The following ZNF407 variants were observed in gnomAD, a reference collection of about 807,000 sequenced individuals.
ZNF407 encodes zinc finger protein 407.
ZNF407 carries 17 observed loss-of-function variants against 131.2 expected under a neutral mutation model. The observed-to-expected ratio is 0.13, with a 90% CI of 0.09 to 0.19. The LOEUF is 0.19. Among genes scored for constraint, ZNF407 ranks in the 10% least tolerant of loss-of-function variants. ZNF407 has a pLI of 1.00. For synonymous variants in ZNF407, 1,156 were observed against 1,062.0 expected, an observed-to-expected ratio of 1.09 and a Z score of -1.72; for missense variants, 2,681 against 2,830.6, an observed-to-expected ratio of 0.95 and a Z score of 1.20.
At chr18:74,783,198 C>T (rs940459934) in intron 4 of ZNF407, among the ~76,000 whole-genome samples, 3 of 151,950 alleles carry the variant, frequency 2.0e-5, no homozygotes, top group African/African-American at 7.3e-5. Flanking sequence ...AAGGACTGAG[C>T]CTAGAAAATA....
chr18:74,863,036 T>A (rs1262396380), intron 4 of ZNF407, among the ~76,000 whole-genome samples: 2 of 151,508 alleles, frequency 1.3e-5, no homozygotes, highest in Non-Finnish European at 2.9e-5. Flanking sequence ...TTCTCCTGCC[T>A]CAGCCTCCCA....
At chr18:74,741,287 C>T (rs940490740) in intron 3 of ZNF407, among the ~76,000 whole-genome samples, 10 of 151,794 alleles carry the variant, frequency 6.6e-5, no homozygotes, top group East Asian at 1.9e-4. Flanking sequence ...TGTTCACGCT[C>T]GTGTGTGAAT....
In ZNF407 at chr18:74,755,550, T is replaced by TCCC. The variant is rs1181908998; in HGVS notation, c.4803-25878_4803-25877insCCC. 2.0e-3 allele frequency among the ~76,000 whole-genome samples: 121 copies of TCCC among 60,842 alleles called. 3 individuals carry two copies. Among genetic ancestry groups the TCCC allele is most frequent in the Admixed American group, 4.0e-3 (18 of 4,490 alleles). The allele number at this position is 60,842 out of a possible 152,430, so 39.9% of individuals were successfully genotyped here. ...ATCTTTCCCTCTCTCCCTCCCTCCC[T>TCCC]TCCTTCTTCCTTCCTTCCTTCCTCC... On this transcript the variant is annotated intron_variant, in intron 3 of 8. Transcript: ENST00000299687.
chr18:74,993,427 G>A (rs1273203889), intron 8 of ZNF407, among the ~76,000 whole-genome samples: 3 of 152,182 alleles, frequency 2.0e-5, no homozygotes, highest in Non-Finnish European at 2.9e-5. Flanking sequence ...TTCCCGAGCC[G>A]CAACAGGCAG....
chr18:74,776,542 A>G (rs1016006421), intron 3 of ZNF407, among the ~76,000 whole-genome samples: 5 of 152,188 alleles, frequency 3.3e-5, no homozygotes, highest in South Asian at 2.1e-4. Context: ...ACAGAACTTC[A>G]CTTTTTAAAC....
intron 8 of ZNF407, among the ~76,000 whole-genome samples, chr18:74,924,222 T>G (rs1971883597): frequency 6.6e-6 from 1 of 152,230 alleles, no homozygotes; most frequent in Non-Finnish European, 1.5e-5. Flanking sequence ...TACAGTGGTC[T>G]AGTAAGATTC....
At chr18:74,726,602 A>G (rs888644462) in intron 3 of ZNF407, among the ~76,000 whole-genome samples, 1 of 152,236 alleles carries the variant, frequency 6.6e-6, no homozygotes, top group African/African-American at 2.4e-5. Flanking sequence ...TTGTTTTGCT[A>G]CCAATGATTG....
chr18:74,910,306 C>G (rs1163875251), intron 7 of ZNF407, among the ~76,000 whole-genome samples: 2 of 152,084 alleles, frequency 1.3e-5, no homozygotes, highest in East Asian at 1.9e-4. Flanking sequence ...AATAGGTTAA[C>G]TTAAATATGT....
chr18:74,871,154 G>A (rs575337939), intron 4 of ZNF407, among the ~76,000 whole-genome samples: 4 of 152,220 alleles, frequency 2.6e-5, no homozygotes, highest in African/African-American at 4.8e-5. Context: ...CATGGTGGCC[G>A]GTCGGCAGTG....
At chr18:74,811,726 G>A (rs2145088931) in intron 4 of ZNF407, among the ~76,000 whole-genome samples, 2 of 152,142 alleles carry the variant, frequency 1.3e-5, no homozygotes, top group South Asian at 4.2e-4. Flanking sequence ...CCTTTGTAGG[G>A]ACATGGATGA....
At position 74,635,418 on chromosome 18, in the gene ZNF407, G is replaced by A. The variant is rs772957844; in HGVS notation, c.4399G>A (p.Gly1467Ser). ...SNLHQHLASA[G>S]HMRNEQASVE... The stretch of plus-strand genomic sequence containing the variant: ...CCTTCACCAGCATCTGGCTAGTGCC[G>A]GCCACATGAGAAATGAGCAGGCCAG... The change falls in exon 2 of 9, where the codon GGC becomes AGC. Residue 1467 changes from glycine (G) to serine (S), a missense_variant. Around this residue, in one of 6 missense-constraint regions of ZNF407, gnomAD observed 213 missense variants for 332.2 expected, o/e 0.64. Coordinates refer to ENST00000299687, the MANE Select transcript of ZNF407 (RefSeq NM_017757.3). This position sits in a 1 kb window ranked among gnomAD's most constrained non-coding sequence, Gnocchi z 4.7. The A allele has an allele frequency of 3.7e-6, 6 of 1,613,524 alleles. No individual in the cohort carries two copies. The highest frequency in any genetic ancestry group is 2.2e-5 in the South Asian group (2 of 90,980).
chr18:74,917,400 A>G (rs1971787529), intron 7 of ZNF407, among the ~76,000 whole-genome samples: 1 of 152,218 alleles, frequency 6.6e-6, no homozygotes, highest in African/African-American at 2.4e-5. Flanking sequence ...ACATATGCAC[A>G]TATCTGTATA....
Position 74,631,037 on chromosome 18 carries a change from T to A in ZNF407, c.18T>A (p.Asn6Lys), listed in dbSNP as rs748906984. The stretch of plus-strand genomic sequence containing the variant: ...CTTTATTAATGATGGATAGTGAGAA[T>A]AAACCCGAAAATGATGAGGATGAAA... MMDSE[N>K]KPENDEDEKI... Residue 6 changes from asparagine (N) to lysine (K), a missense_variant, in exon 2 of 9, where the codon AAT becomes AAA. Asn to Lys is a moderately conservative substitution (Grantham distance 94). Transcript: ENST00000299687. 11 of 1,610,066 alleles carry A rather than the reference T, an allele frequency of 6.8e-6. No homozygotes were observed. Among genetic ancestry groups the A allele is most frequent in the African/African-American group, 1.3e-5 (1 of 74,648 alleles).
chr18:74,800,452 C>T (rs1970000488), intron 4 of ZNF407, among the ~76,000 whole-genome samples: 1 of 151,950 alleles, frequency 6.6e-6, no homozygotes, highest in East Asian at 1.9e-4. Flanking sequence ...CACATTTTTT[C>T]CAGTTGTTGA....
intron 8 of ZNF407, among the ~76,000 whole-genome samples, chr18:74,984,081 T>C (rs1254613036): frequency 1.3e-5 from 2 of 152,256 alleles, no homozygotes; most frequent in East Asian, 1.9e-4. Flanking sequence ...TCTTCTTTTA[T>C]AGAAAATCAA....
intron 3 of ZNF407, among the ~76,000 whole-genome samples, chr18:74,732,224 T>G (rs1968310629): frequency 6.6e-6 from 1 of 152,184 alleles, no homozygotes; most frequent in African/African-American, 2.4e-5. Context: ...TAAAAATTCT[T>G]ATTGTCGTGA....
At chr18:74,822,448 G>C (rs1970353931) in intron 4 of ZNF407, among the ~76,000 whole-genome samples, 1 of 152,180 alleles carries the variant, frequency 6.6e-6, no homozygotes, top group Admixed American at 6.5e-5. Context: ...TGTATAATGT[G>C]TAAGGAAGGG....
chr18:74,737,162 A>G (rs531710367), intron 3 of ZNF407, among the ~76,000 whole-genome samples: 43 of 152,354 alleles, frequency 2.8e-4, no homozygotes, highest in African/African-American at 9.9e-4. Context: ...GAATACATCT[A>G]TAATTTATTT....
chr18:74,745,046 G>T (rs1366631189), intron 3 of ZNF407, among the ~76,000 whole-genome samples: 1 of 151,994 alleles, frequency 6.6e-6, no homozygotes, highest in East Asian at 1.9e-4. Flanking sequence ...AGAGAAGGAA[G>T]GGACACAACA....
Sources: gnomAD v4.1 joint callset for allele counts (sites outside exome capture counted in the v4.1 genomes callset) on GRCh38, gnomAD v4.1.1 for gene constraint, gnomAD v4.1.1 regional missense constraint, Gnocchi (gnomAD v3.1) non-coding constraint, MANE v1.5 for transcripts, NCBI Gene and HGNC (gene_info 2026-07-23, HGNC 2026-07-21) for gene names.